COLGALT2: variants seen among roughly 807,000 people sequenced by gnomAD.
The protein encoded by COLGALT2 is collagen beta(1-O)galactosyltransferase 2.
A neutral mutation model predicts 73.4 loss-of-function variants in COLGALT2; 49 were observed. The observed-to-expected ratio is 0.67, with a 90% CI of 0.53 to 0.85. The LOEUF is 0.85. Ranked by LOEUF, COLGALT2 falls within the 40% of genes least tolerant of loss-of-function variation. COLGALT2 has a pLI of 0.00. For missense variants in COLGALT2, 722 were observed against 790.2 expected (o/e 0.91, Z 1.03); for synonymous variants, 295 against 307.6 (o/e 0.96, Z 0.43).
In COLGALT2 at chr1:183,937,832, C is replaced by T. The variant is rs945250923; in HGVS notation, c.*929G>A. The T allele has an allele frequency of 1.2e-5, 12 of 985,344 alleles. No individual in the cohort carries two copies. In the South Asian group the frequency reaches 5.2e-4, roughly 42 times the overall value. The allele number at this position is 985,344 out of a possible 1,614,324, so 61.0% of individuals were successfully genotyped here. ...GCTGGCCTGAAAATGTGCTCTGTCT[C>T]TTAGCAGTGACTCACAGAACTCACA... On this transcript the variant is annotated 3_prime_UTR_variant, in exon 12 of 12. Transcript: ENST00000361927.
intron 1 of COLGALT2, among the ~76,000 whole-genome samples, chr1:184,011,732 A>G (rs915736321): frequency 3.3e-5 from 5 of 152,226 alleles, no homozygotes; most frequent in Non-Finnish European, 5.9e-5. Flanking sequence ...TCGGCTGCCT[A>G]CTTTTAGATG....
chr1:183,933,831 C>T (rs189600990), downstream of COLGALT2, among the ~76,000 whole-genome samples: 3 of 152,222 alleles, frequency 2.0e-5, no homozygotes, highest in East Asian at 5.8e-4. Context: ...AGAAGCCAGG[C>T]TGGAGAATTA....
rs766936012 is a variant in COLGALT2 at position 183,936,124 on chromosome 1, C to T, written c.*2637G>A. 1 of 985,694 alleles carries T rather than the reference C, an allele frequency of 1.0e-6. No homozygotes were observed. Among genetic ancestry groups the T allele is most frequent in the South Asian group, 4.7e-5 (1 of 21,288 alleles). 61.1% of individuals were successfully genotyped at this position (985,694 alleles called of 1,614,324 possible). A position where few individuals can be genotyped will look rare whatever the true frequency, so the allele number is the denominator to read the frequency against. ...CGTTAGATCCCAAGAGAAATCCAGA[C>T]AGGGTTTAGCCTCCAGAGGCAGAGA... On this transcript the variant is annotated 3_prime_UTR_variant, in exon 12 of 12. Transcript: ENST00000361927.
At position 183,967,612 on chromosome 1, in the gene COLGALT2, A is replaced by G. The variant is rs148287240; in HGVS notation, c.832+1657T>C. ...GTATCATAATAATTTAGTTCATTGC[A>G]TCATAATAATGCTTTGTGCAGTGAC... On this transcript the variant is annotated intron_variant, in intron 5 of 11. Coordinates refer to ENST00000361927, the MANE Select transcript of COLGALT2 (RefSeq NM_015101.4). 5.9e-5 allele frequency among the ~76,000 whole-genome samples: 9 copies of G among 152,344 alleles called. No homozygotes were observed. The East Asian group carries it at 1.5e-3, about 26-fold the overall frequency.
chr1:183,992,045 G>A (rs1161247439), intron 1 of COLGALT2, among the ~76,000 whole-genome samples: 1 of 152,040 alleles, frequency 6.6e-6, no homozygotes, highest in African/African-American at 2.4e-5. Context: ...TGCAGAGAGG[G>A]GAGCAGTGAG....
chr1:183,958,661 A>T (rs1343095170), intron 6 of COLGALT2, among the ~76,000 whole-genome samples: 1 of 150,044 alleles, frequency 6.7e-6, no homozygotes, highest in African/African-American at 2.5e-5. Flanking sequence ...ATGTGTATCA[A>T]TACATTCTGC....
chr1:184,011,101 T>A (rs1356878183), intron 1 of COLGALT2, among the ~76,000 whole-genome samples: 4 of 152,198 alleles, frequency 2.6e-5, no homozygotes, highest in African/African-American at 9.7e-5. Context: ...CTAATGGAGA[T>A]CCAAGGGCTA....
intron 1 of COLGALT2, among the ~76,000 whole-genome samples, chr1:184,023,935 A>T (rs1362200629): frequency 6.6e-6 from 1 of 152,216 alleles, no homozygotes; most frequent in Non-Finnish European, 1.5e-5. Flanking sequence ...TTAGAGGGCA[A>T]ATAAGTTTTT....
At chr1:183,982,839 C>A (rs551529648) in intron 1 of COLGALT2, among the ~76,000 whole-genome samples, 29 of 152,332 alleles carry the variant, frequency 1.9e-4, no homozygotes, top group African/African-American at 6.7e-4. Context: ...ACAGCATCTA[C>A]TTCTTTCCTT....
chr1:184,016,426 C>T (rs543237429), intron 1 of COLGALT2, among the ~76,000 whole-genome samples: 1 of 152,342 alleles, frequency 6.6e-6, no homozygotes, highest in Admixed American at 6.5e-5. Flanking sequence ...TAAGGCTAAA[C>T]TTCATTAATT....
downstream of COLGALT2, among the ~76,000 whole-genome samples, chr1:183,932,551 C>A (rs569695116): frequency 6.6e-6 from 1 of 152,144 alleles, no homozygotes; most frequent in Non-Finnish European, 1.5e-5. Flanking sequence ...CGGCACCCTG[C>A]GAAAAGCTAA....
At chr1:184,002,503 G>A (rs1671959063) in intron 1 of COLGALT2, among the ~76,000 whole-genome samples, 2 of 152,200 alleles carry the variant, frequency 1.3e-5, no homozygotes, top group African/African-American at 2.4e-5. Flanking sequence ...GCTTTGTAGC[G>A]ACAGGAAGAG....
At position 183,936,651 on chromosome 1, in the gene COLGALT2, C is replaced by T; in HGVS notation, c.*2110G>A. Reference sequence around the variant, plus strand: ...AAAGTCATGCACACATGCACACACTCAAATATGAAAACAAAAACCAGATAC... The same window carrying T: ...AAAGTCATGCACACATGCACACACTTAAATATGAAAACAAAAACCAGATAC... On this transcript the variant is annotated 3_prime_UTR_variant, in exon 12 of 12. Coordinates refer to ENST00000361927, the MANE Select transcript of COLGALT2 (RefSeq NM_015101.4). 1 of 1,221,828 alleles carries T rather than the reference C, an allele frequency of 8.2e-7. No individual in the cohort carries two copies. Among genetic ancestry groups the T allele is most frequent in the African/African-American group, 1.6e-5 (1 of 64,374 alleles). 75.7% of individuals were successfully genotyped at this position (1,221,828 alleles called of 1,614,324 possible).
intron 1 of COLGALT2, among the ~76,000 whole-genome samples, chr1:184,036,617 C>T (rs886697937): frequency 2.6e-5 from 4 of 152,214 alleles, no homozygotes; most frequent in African/African-American, 9.6e-5. Context: ...CACTGCGGCG[C>T]CCCAGCCACT....
At chr1:184,000,825 AT>A (rs149091262) in intron 1 of COLGALT2, among the ~76,000 whole-genome samples, 8,359 of 113,102 alleles carry the variant, frequency 0.074, 196 homozygotes, top group East Asian at 0.3. Context: ...TCAGCCCCCC[AT>A]TTTTTTTTTT....
At chr1:183,979,750 A>T (rs77956276) in intron 1 of COLGALT2, among the ~76,000 whole-genome samples, 2 of 152,116 alleles carry the variant, frequency 1.3e-5, no homozygotes, top group African/African-American at 2.4e-5. Flanking sequence ...AGATATTAAC[A>T]TACCACTTTC....
intron 6 of COLGALT2, among the ~76,000 whole-genome samples, chr1:183,961,361 T>C (rs1318879740): frequency 6.7e-6 from 1 of 148,962 alleles, no homozygotes; most frequent in African/African-American, 2.5e-5. Flanking sequence ...TGAGAGCTTA[T>C]ACTCTCAGCC....
At chr1:183,973,487 T>C in intron 4 of COLGALT2, 129 bp downstream of exon 4, 3 of 1,192,976 alleles carry the variant, frequency 2.5e-6, no homozygotes, top group African/African-American at 1.5e-5. Flanking sequence ...TAAAAAATGC[T>C]TGCTCTGGGA....
chr1:183,968,407 T>C (rs1442553338), intron 5 of COLGALT2, among the ~76,000 whole-genome samples: 1 of 152,116 alleles, frequency 6.6e-6, no homozygotes, highest in African/African-American at 2.4e-5. Context: ...TTCTCAAAAA[T>C]CTCCAGGCCC....
Sources: gnomAD v4.1 joint callset for allele counts (sites outside exome capture counted in the v4.1 genomes callset) on GRCh38, gnomAD v4.1.1 for gene constraint, MANE v1.5 for transcripts, NCBI Gene and HGNC (gene_info 2026-07-23, HGNC 2026-07-21) for gene names.